The following ZCCHC9 variants were observed in gnomAD, a reference collection of about 807,000 sequenced individuals.
ZCCHC9 encodes zinc finger CCHC-type containing 9.
A neutral mutation model predicts 30.8 loss-of-function variants in ZCCHC9; 18 were observed. The observed-to-expected ratio is 0.58, with a 90% CI of 0.40 to 0.87. ZCCHC9 has a LOEUF of 0.87. Ranked by LOEUF, ZCCHC9 falls within the 40% of genes least tolerant of loss-of-function variation. The pLI is 0.00. For missense variants in ZCCHC9, 279 were observed against 331.2 expected (o/e 0.84, Z 1.22); for synonymous variants, 94 against 106.7 (o/e 0.88, Z 0.73).
intron 2 of ZCCHC9, among the ~76,000 whole-genome samples, chr5:81,306,274 G>C (rs569034696): frequency 6.6e-6 from 1 of 152,128 alleles, no homozygotes; most frequent in African/African-American, 2.4e-5. Context: ...AATGTTAACA[G>C]CCTCTATAAA....
At chr5:81,311,776 G>T (rs1758296256) in intron 5 of ZCCHC9, among the ~76,000 whole-genome samples, 2 of 152,128 alleles carry the variant, frequency 1.3e-5, no homozygotes, top group African/African-American at 2.4e-5. Flanking sequence ...TGAAATACCA[G>T]CCTTATTCAT....
At chr5:81,309,181 C>T (rs1171869762) in intron 4 of ZCCHC9, 143 bp downstream of exon 4, 1 of 604,870 alleles carries the variant, frequency 1.7e-6, no homozygotes, top group Non-Finnish European at 2.7e-6. Flanking sequence ...CAAGTGCTAT[C>T]ATATGTACTA....
At chr5:81,308,022 A>AAAAAATCTATCTATCT (rs34237879) in intron 2 of ZCCHC9, among the ~76,000 whole-genome samples, 2 of 68,342 alleles carry the variant, frequency 2.9e-5, no homozygotes, top group African/African-American at 1.1e-4. Flanking sequence ...AAAAAAAAAA[A>AAAAAATCTATCTATCT]ATCTATCTAT....
chr5:81,307,799 C>T (rs1248803511), intron 2 of ZCCHC9, among the ~76,000 whole-genome samples: 5 of 151,668 alleles, frequency 3.3e-5, no homozygotes, highest in Admixed American at 1.3e-4. Flanking sequence ...GAGTTCGAGA[C>T]CAGCCTGGCC....
At chr5:81,310,244 C>T (rs1758237100) in intron 4 of ZCCHC9, among the ~76,000 whole-genome samples, 1 of 150,238 alleles carries the variant, frequency 6.7e-6, no homozygotes, top group Non-Finnish European at 1.5e-5. Flanking sequence ...CCTGTGTGTG[C>T]CTTGATTTTA....
chr5:81,308,263 AAT>A (rs1433156022), intron 2 of ZCCHC9: 2 of 212,172 alleles, frequency 9.4e-6, no homozygotes, highest in African/African-American at 2.3e-5. Context: ...TAATAAAATG[AAT>A]AGTCCATATT....
chr5:81,304,499 CT>C, intron 1 of ZCCHC9: 2 of 312,230 alleles, frequency 6.4e-6, no homozygotes, highest in Non-Finnish European at 5.8e-6. Context: ...TTAAGCACAC[CT>C]TTTTTAACTG....
rs1758183657 is a variant in ZCCHC9, at chr5:81,309,027, T to G, written c.617T>G (p.Leu206Arg). The change falls in exon 4 of 6, where the codon CTC becomes CGC. Residue 206 changes from leucine to arginine, a missense_variant. Physicochemically the swap from Leu to Arg is moderately radical, Grantham distance 102 (BLOSUM62 -2). Coordinates refer to ENST00000407610, the MANE Select transcript of ZCCHC9 (RefSeq NM_001131035.2). ...TCTTGTCCTGATAATCCCAAAGGAC[T>G]CTATGCTGATGGTAAGTACTGTTAC... ...SRSCPDNPKG[L>R]YADGGGCKLC... is the part of the protein sequence containing the mutation. 3.1e-6 allele frequency: 5 copies of G among 1,610,840 alleles called. No individual in the cohort carries two copies. The South Asian group carries it at 5.5e-5, about 18-fold the overall frequency.
rs915086905 is a variant in ZCCHC9, at chr5:81,312,869, A to G, written c.*207A>G. On this transcript the variant is annotated 3_prime_UTR_variant, in exon 6 of 6. Transcript: ENST00000407610. ...GGAGAAAATTGAAGAAAAGAATAAG[A>G]TGATTAAATGAATTCTCTAAAAGAA... is the stretch of plus-strand genomic sequence containing the variant. 4.8e-5 allele frequency: 18 copies of G among 373,602 alleles called. No homozygotes were observed. Among genetic ancestry groups the G allele is most frequent in the Middle Eastern group, 7.1e-4 (1 of 1,402 alleles). The allele number at this position is 373,602 out of a possible 1,614,324, so 23.1% of individuals were successfully genotyped here.
In ZCCHC9 at chr5:81,312,597, GA is replaced by G; in HGVS notation, c.754del (p.Ile252PhefsTer24). The G allele has an allele frequency of 6.2e-7, 1 of 1,613,914 alleles. No homozygotes were observed. Among genetic ancestry groups the G allele is most frequent in the Non-Finnish European group, 8.5e-7 (1 of 1,179,854 alleles). ...WAKGMSADYE[E>X]ILDVPKPQKP... ...AAAGGGAATGAGTGCAGACTATGAA[GA>G]AATTTTGGATGTACCTAAACCGCAA... On this transcript the variant is annotated frameshift_variant, in exon 6 of 6. Transcript: ENST00000407610. LOFTEE classifies it high-confidence loss of function.
intron 5 of ZCCHC9, among the ~76,000 whole-genome samples, chr5:81,311,614 A>C (rs1317515033): frequency 1.3e-5 from 2 of 152,238 alleles, no homozygotes; most frequent in African/African-American, 4.8e-5. Context: ...AGAAAATAAA[A>C]AATATGAAAT....
intron 5 of ZCCHC9, 33 bp downstream of exon 5, chr5:81,311,312 G>A (rs780841743): frequency 6.2e-7 from 1 of 1,601,192 alleles, no homozygotes; most frequent in Non-Finnish European, 8.6e-7. Flanking sequence ...TAGAAGGGGT[G>A]AGATTAGTAT....
At chr5:81,308,317 A>G (rs1758149722) in intron 2 of ZCCHC9, 1 of 393,674 alleles carries the variant, frequency 2.5e-6, no homozygotes, top group African/African-American at 2.1e-5. Flanking sequence ...AAAGCCACAT[A>G]TATAACATTG....
In ZCCHC9 at chr5:81,308,703, C is replaced by A. The variant is rs369656009; in HGVS notation, c.527C>A (p.Pro176Gln). 1.2e-6 allele frequency: 2 copies of A among 1,606,696 alleles called. No homozygotes were observed. Among genetic ancestry groups the A allele is most frequent in the Non-Finnish European group, 1.7e-6 (2 of 1,177,558 alleles). The change falls in exon 3 of 6, where the codon CCG (proline) becomes CAG (glutamine). Residue 176 changes from proline to glutamine, a missense_variant. Pro to Gln is a moderately conservative substitution (Grantham distance 76, BLOSUM62 -1). Transcript: ENST00000407610. ...EITKCKAKVD[P>Q]ALGEFPFAKC... ...ACCAAGTGTAAGGCTAAAGTAGACCCGGCTCTTGGTATGTGTTTCTTTCAG... is the reference window on the plus strand; with the variant it reads ...ACCAAGTGTAAGGCTAAAGTAGACCAGGCTCTTGGTATGTGTTTCTTTCAG...
At chr5:81,311,696 T>A (rs1436993110) in intron 5 of ZCCHC9, among the ~76,000 whole-genome samples, 2 of 152,152 alleles carry the variant, frequency 1.3e-5, no homozygotes, top group Non-Finnish European at 1.5e-5. Context: ...AGATTCAGAG[T>A]TGATTGCAGA....
At chr5:81,303,816 C>T (rs1267125799) in intron 1 of ZCCHC9, 2 of 152,128 alleles carry the variant, frequency 1.3e-5, no homozygotes, top group Non-Finnish European at 2.9e-5. Flanking sequence ...TGTGCAGTCG[C>T]TGTTGACCTA....
At chr5:81,302,751 C>T (rs1464706509) in intron 1 of ZCCHC9, 3 of 151,988 alleles carry the variant, frequency 2.0e-5, no homozygotes, top group Admixed American at 2.0e-4. Flanking sequence ...TAAAAGAAAA[C>T]ATGGTACAGC....
intron 2 of ZCCHC9, among the ~76,000 whole-genome samples, 154 bp downstream of exon 2, chr5:81,305,295 A>T (rs1055444935): frequency 6.6e-6 from 1 of 152,182 alleles, no homozygotes; most frequent in Non-Finnish European, 1.5e-5. Context: ...TAGCACATAT[A>T]TGCTAGGCAC....
In ZCCHC9 at chr5:81,308,963, A is replaced by G. The variant is rs1236013463; in HGVS notation, c.553A>G (p.Lys185Glu). The change falls in exon 4 of 6, where the codon AAA (lysine) becomes GAA (glutamate). Residue 185 changes from lysine (K) to glutamate (E), a missense_variant. Coordinates refer to ENST00000407610, the MANE Select transcript of ZCCHC9 (RefSeq NM_001131035.2). ...TTTTACAGGCGAATTTCCTTTTGCAAAATGTTTTGTTTGTGGAGAAATGGG... is the reference window on the plus strand; with the variant it reads ...TTTTACAGGCGAATTTCCTTTTGCAGAATGTTTTGTTTGTGGAGAAATGGG... ...DPALGEFPFA[K>E]CFVCGEMGHL... 11 of 1,613,100 alleles carry G rather than the reference A, an allele frequency of 6.8e-6. No individual in the cohort carries two copies. Among genetic ancestry groups the G allele is most frequent in the Admixed American group, 3.3e-5 (2 of 59,830 alleles).
Sources: allele counts gnomAD v4.1 joint callset (sites outside exome capture counted in the v4.1 genomes callset), GRCh38; gene constraint gnomAD v4.1.1; transcripts MANE v1.5; gene names NCBI Gene and HGNC (gene_info 2026-07-23, HGNC 2026-07-21).